The following EDNRA variants were observed in gnomAD, a reference collection of about 807,000 sequenced individuals.
The protein encoded by EDNRA is endothelin-1 receptor.
Under a neutral mutation model 41.4 loss-of-function variants are expected in EDNRA, and 11 were observed. The ratio of observed to expected loss-of-function variants is 0.27; its 90% confidence interval spans 0.17 to 0.44. EDNRA has a LOEUF of 0.44. Among genes scored for constraint, EDNRA ranks in the 20% least tolerant of loss-of-function variants. The pLI, the probability that EDNRA is intolerant of heterozygous loss-of-function variation, is 1.00. For synonymous variants in EDNRA, 172 were observed against 183.0 expected (o/e 0.94, Z 0.49); for missense variants, 294 against 531.0 (o/e 0.55, Z 4.39).
At chr4:147,509,673 A>G (rs534595299) in intron 2 of EDNRA, among the ~76,000 whole-genome samples, 1 of 152,132 alleles carries the variant, frequency 6.6e-6, no homozygotes, top group Non-Finnish European at 1.5e-5. Flanking sequence ...TCAAAGGAGT[A>G]TGAACCCTTT....
At chr4:147,496,406 GGTTAT>G (rs1729300779) in intron 2 of EDNRA, among the ~76,000 whole-genome samples, 1 of 152,150 alleles carries the variant, frequency 6.6e-6, no homozygotes, top group East Asian at 1.9e-4. Flanking sequence ...TGAAAATTAG[GGTTAT>G]GTTATATCAT....
At chr4:147,505,796 C>G (rs1311346029) in intron 2 of EDNRA, among the ~76,000 whole-genome samples, 7 of 150,062 alleles carry the variant, frequency 4.7e-5, no homozygotes, top group Admixed American at 2.7e-4. Flanking sequence ...CCACAGGTGC[C>G]CGCCACCATG....
At chr4:147,505,159 C>A (rs1729647659) in intron 2 of EDNRA, among the ~76,000 whole-genome samples, 1 of 147,624 alleles carries the variant, frequency 6.8e-6, no homozygotes, top group Non-Finnish European at 1.5e-5. Context: ...GCAAGTCAAA[C>A]CGCAGTGAGA....
chr4:147,501,317 T>TG (rs1479687014), intron 2 of EDNRA, among the ~76,000 whole-genome samples: 1 of 152,232 alleles, frequency 6.6e-6, no homozygotes, highest in Non-Finnish European at 1.5e-5. Context: ...ACTAAAAACA[T>TG]GCCTGTGCAG....
Position 147,532,536 on chromosome 4 carries a change from T to C in EDNRA, c.579T>C (p.Val193=). ...GAGCAGTTGCCTCCTGGAGTCGTGT[T>C]CAGGGAATTGGGATTCCTTTGGTAA... is the stretch of plus-strand genomic sequence containing the variant. ...RYRAVASWSR[V]QGIGIPLVTA... is the part of the protein sequence containing the mutation. Residue 193 remains valine (V), a synonymous_variant, in exon 4 of 8, where the codon GTT becomes GTC. Transcript: ENST00000651419. 5.0e-6 allele frequency: 8 copies of C among 1,614,140 alleles called. No individual in the cohort carries two copies. Among genetic ancestry groups the C allele is most frequent in the Non-Finnish European group, 5.9e-6 (7 of 1,180,018 alleles).
intron 3 of EDNRA, among the ~76,000 whole-genome samples, chr4:147,525,498 C>A (rs1364582155): frequency 6.7e-6 from 1 of 149,548 alleles, no homozygotes; most frequent in African/African-American, 2.5e-5. Context: ...CTTTTCCCAA[C>A]AAAAATGAAT....
intron 2 of EDNRA, among the ~76,000 whole-genome samples, chr4:147,510,335 A>G (rs1400275967): frequency 6.6e-6 from 1 of 152,172 alleles, no homozygotes; most frequent in East Asian, 1.9e-4. Context: ...TTGTTCTACT[A>G]AAAATAAACA....
At chr4:147,533,970 G>A (rs1194099512) in intron 4 of EDNRA, among the ~76,000 whole-genome samples, 2 of 152,132 alleles carry the variant, frequency 1.3e-5, no homozygotes, top group African/African-American at 4.8e-5. Flanking sequence ...CTGAAGTCCT[G>A]TTCTCTTTTT....
intron 2 of EDNRA, among the ~76,000 whole-genome samples, chr4:147,508,273 G>A (rs1396566828): frequency 2.0e-5 from 3 of 152,066 alleles, no homozygotes; most frequent in Non-Finnish European, 2.9e-5. Context: ...AGAGTAGCTG[G>A]GATTACGGGC....
intron 3 of EDNRA, among the ~76,000 whole-genome samples, chr4:147,530,828 T>C (rs1306137696): frequency 6.6e-6 from 1 of 152,226 alleles, no homozygotes; most frequent in Non-Finnish European, 1.5e-5. Context: ...ATCTTCTACA[T>C]TACTTTGCAT....
chr4:147,522,567 T>C (rs981069200), intron 3 of EDNRA, among the ~76,000 whole-genome samples: 5 of 151,910 alleles, frequency 3.3e-5, no homozygotes, highest in Non-Finnish European at 7.4e-5. Flanking sequence ...AATTAGTTTA[T>C]GTAACTGTGA....
chr4:147,537,009 T>C (rs1224499970), intron 5 of EDNRA, among the ~76,000 whole-genome samples: 1 of 152,214 alleles, frequency 6.6e-6, no homozygotes, highest in Non-Finnish European at 1.5e-5. Context: ...TTTACATTAA[T>C]TCTAAGAGGA....
intron 3 of EDNRA, among the ~76,000 whole-genome samples, chr4:147,520,190 G>A (rs1315147759): frequency 6.6e-6 from 1 of 152,054 alleles, no homozygotes; most frequent in Non-Finnish European, 1.5e-5. Context: ...TGTACCTAGA[G>A]CATTTTATCA....
chr4:147,491,717 C>T (rs1345930827), intron 2 of EDNRA: 1 of 152,218 alleles, frequency 6.6e-6, no homozygotes, highest in African/African-American at 2.4e-5. Flanking sequence ...AAGCATATTT[C>T]CCTTTTACCG....
Position 147,485,755 on chromosome 4 carries a change from G to C in EDNRA, c.74G>C (p.Arg25Thr), listed in dbSNP as rs1728921697. The change falls in exon 2 of 8, where the codon AGA (arginine) becomes ACA (threonine). Residue 25 changes from arginine to threonine, a missense_variant. Around this residue, in one of 3 missense-constraint regions of EDNRA, gnomAD observed 90 missense variants for 122.8 expected, o/e 0.73. Coordinates refer to ENST00000651419, the MANE Select transcript of EDNRA (RefSeq NM_001957.4). ...VGCVISDNPE[R>T]YSTNLSNHVD... The stretch of plus-strand genomic sequence containing the variant: ...TGTGTAATCAGTGATAATCCTGAGA[G>C]ATACAGCACAAATCTAAGCAATCAT... The C allele has an allele frequency of 2.5e-6, 4 of 1,614,226 alleles. No individual in the cohort carries two copies. The highest frequency in any genetic ancestry group is 8.5e-7 in the Non-Finnish European group (1 of 1,180,038).
Position 147,519,606 on chromosome 4 carries a change from A to C in EDNRA, c.421-245A>C, listed in dbSNP as rs1039800473. Among the ~76,000 whole-genome samples, 1 of 150,274 alleles carries C rather than the reference A, an allele frequency of 6.7e-6. No homozygotes were observed. The highest frequency in any genetic ancestry group is 1.5e-5 in the Non-Finnish European group (1 of 67,654). On this transcript the variant is annotated intron_variant, in intron 2 of 7. Coordinates refer to ENST00000651419, the MANE Select transcript of EDNRA (RefSeq NM_001957.4). This position sits in a 1 kb window ranked among gnomAD's most constrained non-coding sequence, Gnocchi z 4.1. Reference sequence around the variant, plus strand: ...TTTTATGTATTAAATATATATCACAATATATTCATGTTACTACATATTAAT... The same window carrying C: ...TTTTATGTATTAAATATATATCACACTATATTCATGTTACTACATATTAAT...
At chr4:147,536,124 T>G (rs940690002) in intron 5 of EDNRA, 95 bp downstream of exon 5, 1 of 1,393,116 alleles carries the variant, frequency 7.2e-7, no homozygotes. Flanking sequence ...ATTAGCCTGA[T>G]TTCCTAAAAT....
intron 4 of EDNRA, among the ~76,000 whole-genome samples, chr4:147,534,401 T>G (rs1376367843): frequency 6.6e-6 from 1 of 152,156 alleles, no homozygotes; most frequent in Non-Finnish European, 1.5e-5. Flanking sequence ...CCTTTGGGAG[T>G]TTGCACTTAA....
chr4:147,542,165 C>A (rs765483664), intron 7 of EDNRA, among the ~76,000 whole-genome samples: 8 of 152,178 alleles, frequency 5.3e-5, no homozygotes, highest in Admixed American at 2.0e-4. Flanking sequence ...AGGACCCCCC[C>A]ACCAGCCCAG....
Sources: allele counts gnomAD v4.1 joint callset (sites outside exome capture counted in the v4.1 genomes callset), GRCh38; gene constraint gnomAD v4.1.1; regional missense constraint gnomAD v4.1.1; non-coding constraint Gnocchi (gnomAD v3.1); transcripts MANE v1.5; gene names NCBI Gene and HGNC (gene_info 2026-07-23, HGNC 2026-07-21).